The following TLL1 variants were observed in gnomAD, a reference collection of about 807,000 sequenced individuals.
TLL1 encodes the protein tolloid-like protein 1.
In TLL1, 49 loss-of-function variants were observed where a neutral mutation model predicts 128.2. That is an observed-to-expected ratio of 0.38 (90% CI 0.30 to 0.48). TLL1 has a LOEUF of 0.48. Among genes scored for constraint, TLL1 ranks in the 20% least tolerant of loss-of-function variants. The probability of loss-of-function intolerance (pLI) is 0.96; values close to 1 mark genes in which losing one functional copy is unlikely to be tolerated. For synonymous variants in TLL1, 454 were observed against 418.8 expected (o/e 1.08, Z -1.03); for missense variants, 1,123 against 1,242.0 (o/e 0.90, Z 1.44).
chr4:165,979,589 A>C (rs1023442735), intron 1 of TLL1, among the ~76,000 whole-genome samples: 12 of 152,116 alleles, frequency 7.9e-5, no homozygotes, highest in Non-Finnish European at 1.3e-4. Flanking sequence ...TAGAAGGGAA[A>C]CATAGATAAG....
At chr4:165,875,763 A>G (rs963123883) in intron 1 of TLL1, among the ~76,000 whole-genome samples, 3 of 152,226 alleles carry the variant, frequency 2.0e-5, no homozygotes, top group African/African-American at 7.2e-5. Context: ...GAAGTACATT[A>G]TTTCAAAAGA....
At chr4:166,067,239 A>C (rs904842559) in intron 16 of TLL1, among the ~76,000 whole-genome samples, 2 of 151,790 alleles carry the variant, frequency 1.3e-5, no homozygotes, top group Non-Finnish European at 2.9e-5. Context: ...TTAGTCATAT[A>C]TTTAATTTTA....
chr4:166,027,401 T>C (rs142932418), intron 9 of TLL1, among the ~76,000 whole-genome samples: 1,842 of 152,294 alleles, frequency 0.012, 43 homozygotes, highest in African/African-American at 0.04. Flanking sequence ...TGATGATAAC[T>C]GAATGGTATT....
At chr4:165,991,907 CT>C (rs1163120962) in intron 2 of TLL1, among the ~76,000 whole-genome samples, 1 of 151,858 alleles carries the variant, frequency 6.6e-6, no homozygotes, top group Non-Finnish European at 1.5e-5. Context: ...TGAATGATAA[CT>C]TTTTCCTATT....
chr4:165,920,341 A>G (rs1732991288), intron 1 of TLL1, among the ~76,000 whole-genome samples: 1 of 152,220 alleles, frequency 6.6e-6, no homozygotes, highest in Non-Finnish European at 1.5e-5. Flanking sequence ...AACTTTGAGA[A>G]TAGTTTTAAT....
chr4:165,881,930 TTAC>T (rs1730983905), intron 1 of TLL1, among the ~76,000 whole-genome samples: 1 of 152,310 alleles, frequency 6.6e-6, no homozygotes, highest in East Asian at 1.9e-4. Flanking sequence ...CACTTTAAAT[TTAC>T]TCGGAGTATT....
chr4:166,020,067 TAAG>T (rs910890050), intron 8 of TLL1, among the ~76,000 whole-genome samples: 4 of 152,136 alleles, frequency 2.6e-5, no homozygotes, highest in Admixed American at 6.5e-5. Flanking sequence ...ATTGTTGTGT[TAAG>T]AAAGAATATG....
chr4:166,099,272 G>T lies in TLL1; in HGVS notation c.2657-5G>T. 2 of 1,613,374 alleles carry T rather than the reference G, an allele frequency of 1.2e-6. No individual in the cohort carries two copies. The highest frequency in any genetic ancestry group is 1.3e-5 in the African/African-American group (1 of 74,954). ...TTACTCATCTTATTTTTCTTTCCTG[G>T]GCAGAGTGTGGCGGACGATTGAAAG... On this transcript the variant is annotated splice_region_variant and splice_polypyrimidine_tract_variant and intron_variant, in intron 19 of 20. Transcript: ENST00000061240.
Position 166,044,570 on chromosome 4 carries a change from A to AT in TLL1, c.1524+1161dup, listed in dbSNP as rs140761984. The AT allele has an allele frequency of 7.5e-3, 4,720 of 630,178 alleles. 16 individuals carry two copies. Among genetic ancestry groups the AT allele is most frequent in the East Asian group, 0.058 (1,850 of 31,888 alleles). The allele number at this position is 630,178 out of a possible 1,614,324, so 39.0% of individuals were successfully genotyped here. A position where few individuals can be genotyped will look rare whatever the true frequency, so the allele number is the denominator to read the frequency against. The stretch of plus-strand genomic sequence containing the variant: ...TATGTTGTATTTTATGCTCCAGACC[A>AT]TTTTTTTTTTGTACTTTTGGAAACT... On this transcript the variant is annotated intron_variant, in intron 12 of 20. Coordinates refer to ENST00000061240, the MANE Select transcript of TLL1 (RefSeq NM_012464.5).
chr4:166,077,806 A>G (rs925294721), intron 17 of TLL1, 97 bp from the exon 18 acceptor site: 2 of 1,566,138 alleles, frequency 1.3e-6, no homozygotes, highest in African/African-American at 2.7e-5. Context: ...ATTCAGGAAA[A>G]TCTTTCAACA....
chr4:165,954,576 A>T (rs1734686259), intron 1 of TLL1, among the ~76,000 whole-genome samples: 1 of 151,950 alleles, frequency 6.6e-6, no homozygotes, highest in Non-Finnish European at 1.5e-5. Context: ...TTGCCCTGTG[A>T]CCTGCAGGTA....
chr4:166,056,356 G>A (rs1740007270), intron 13 of TLL1, among the ~76,000 whole-genome samples: 1 of 151,518 alleles, frequency 6.6e-6, no homozygotes, highest in Non-Finnish European at 1.5e-5. Context: ...AGATTATGGA[G>A]TATCCTGTCA....
In TLL1 at chr4:166,044,219, G is replaced by A. The variant is rs1386896308; in HGVS notation, c.1524+800G>A. ...GAAATTTAGATACATGATTGGAGAT[G>A]GAGTCTTTACTGATTGGAAGACTAA... On this transcript the variant is annotated intron_variant, in intron 12 of 20. Coordinates refer to ENST00000061240, the MANE Select transcript of TLL1 (RefSeq NM_012464.5). The A allele has an allele frequency of 8.7e-6, 5 of 573,258 alleles. No individual in the cohort carries two copies. In the African/African-American group the frequency reaches 9.4e-5, roughly 11 times the overall value. 35.5% of individuals were successfully genotyped at this position (573,258 alleles called of 1,614,324 possible). A position where few individuals can be genotyped will look rare whatever the true frequency, so the allele number is the denominator to read the frequency against.
Position 166,022,925 on chromosome 4 carries a change from C to T in TLL1, c.1043-2391C>T, listed in dbSNP as rs1738309852. 3.9e-5 allele frequency among the ~76,000 whole-genome samples: 6 copies of T among 152,252 alleles called. 1 individual carries two copies. The South Asian group carries it at 1.2e-3, about 32-fold the overall frequency. ...TTCTTTATATTAATAATTCTTTATG[C>T]TTTTACTTTCCCTAATATTATTGCA... is the stretch of plus-strand genomic sequence containing the variant. On this transcript the variant is annotated intron_variant, in intron 8 of 20. Transcript: ENST00000061240.
At chr4:165,964,658 CATACCT>C (rs1223362900) in intron 1 of TLL1, among the ~76,000 whole-genome samples, 11 of 152,158 alleles carry the variant, frequency 7.2e-5, no homozygotes, top group African/African-American at 2.2e-4. Context: ...TGTGACAACT[CATACCT>C]ATAATCCCAG....
intron 1 of TLL1, among the ~76,000 whole-genome samples, chr4:165,952,819 G>A (rs1734589211): frequency 6.6e-6 from 1 of 151,954 alleles, no homozygotes. Context: ...AAAATTTAAA[G>A]AAAAAATGTC....
chr4:165,971,062 A>G (rs1735607232), intron 1 of TLL1, among the ~76,000 whole-genome samples: 1 of 152,274 alleles, frequency 6.6e-6, no homozygotes, highest in Non-Finnish European at 1.5e-5. Context: ...TAACTTAAAA[A>G]CAATTATCCT....
intron 8 of TLL1, among the ~76,000 whole-genome samples, chr4:166,024,484 C>G (rs1452212262): frequency 1.3e-5 from 2 of 152,078 alleles, no homozygotes; most frequent in Admixed American, 6.5e-5. Context: ...AGGAATTATT[C>G]TTAAGTTAAA....
intron 10 of TLL1, 21 bp from the exon 11 acceptor site, chr4:166,042,006 T>C (rs772161542): frequency 2.5e-5 from 39 of 1,534,388 alleles, no homozygotes; most frequent in Non-Finnish European, 3.4e-5. Flanking sequence ...GAGTTTCTCT[T>C]TATTCTTTTA....
Sources: allele counts gnomAD v4.1 joint callset (sites outside exome capture counted in the v4.1 genomes callset), GRCh38; gene constraint gnomAD v4.1.1; transcripts MANE v1.5; gene names NCBI Gene and HGNC (gene_info 2026-07-23, HGNC 2026-07-21).